CDC42EP4: variants seen among roughly 807,000 people sequenced by gnomAD.
CDC42EP4 encodes the protein CDC42 effector protein (Rho GTPase binding) 4.
CDC42EP4 carries 6 observed loss-of-function variants against 5.6 expected under a neutral mutation model. The ratio of observed to expected loss-of-function variants is 1.07; its 90% CI spans 0.59 to 2.12. The LOEUF (loss-of-function observed/expected upper bound fraction) is 2.12, where lower values mean the gene tolerates loss of function less well. Among genes scored for constraint, CDC42EP4 ranks in the 30% most tolerant of loss-of-function variants. The pLI is 0.00. For synonymous variants in CDC42EP4, 230 were observed against 224.2 expected (o/e 1.03, Z -0.23); for missense variants, 490 against 508.6 (o/e 0.96, Z 0.35).
chr17:73,293,982 TG>T (rs2062173395), intron 1 of CDC42EP4, among the ~76,000 whole-genome samples: 1 of 152,354 alleles, frequency 6.6e-6, no homozygotes, highest in Non-Finnish European at 1.5e-5. Context: ...CCCTTGCATC[TG>T]GAAGTGTGCT....
intron 1 of CDC42EP4, among the ~76,000 whole-genome samples, chr17:73,306,344 AAAATT>A (rs2062244077): frequency 6.6e-6 from 1 of 151,662 alleles, no homozygotes; most frequent in African/African-American, 2.4e-5. Flanking sequence ...AAAAAAAAAA[AAAATT>A]AAATTAGCCA....
chr17:73,293,065 C>A (rs1319884954), intron 1 of CDC42EP4, among the ~76,000 whole-genome samples: 3 of 152,134 alleles, frequency 2.0e-5, no homozygotes, highest in African/African-American at 7.2e-5. Flanking sequence ...CCAGGCTGGT[C>A]TCGAACTCCT....
At chr17:73,311,544 C>T (rs1030149890) in intron 1 of CDC42EP4, 1 of 152,392 alleles carries the variant, frequency 6.6e-6, no homozygotes, top group African/African-American at 2.4e-5. Flanking sequence ...AAAACCGGCC[C>T]CCAACCCCCT....
At chr17:73,304,695 G>A (rs1430967949) in intron 1 of CDC42EP4, among the ~76,000 whole-genome samples, 2 of 152,118 alleles carry the variant, frequency 1.3e-5, no homozygotes, top group Non-Finnish European at 2.9e-5. Context: ...TGCATCATAA[G>A]TGTCCCTGGG....
At chr17:73,290,181 C>A (rs1490417191) in intron 1 of CDC42EP4, among the ~76,000 whole-genome samples, 4 of 152,206 alleles carry the variant, frequency 2.6e-5, no homozygotes, top group Non-Finnish European at 5.9e-5. Context: ...GATGAGGAAA[C>A]AAGTTTATTG....
rs751748462 is a variant in CDC42EP4 at position 73,285,563 on chromosome 17, C to A, written c.938G>T (p.Cys313Phe). 1.2e-6 allele frequency: 2 copies of A among 1,611,992 alleles called. No homozygotes were observed. Among genetic ancestry groups the A allele is most frequent in the East Asian group, 2.2e-5 (1 of 44,860 alleles). Residue 313 changes from cysteine (C) to phenylalanine (F), a missense_variant, in exon 2 of 2, where the codon TGC becomes TTC. By Grantham distance (205) the Cys-to-Phe change is radical. Transcript: ENST00000335793. The surrounding 1 kb of genome is among the most constrained non-coding windows in gnomAD (Gnocchi z 6.8). ...TTRDSSSLSS[C>F]TSGILEERSP... ...GCGCTCCTCCAGGATGCCTGAGGTGCAGCTGGAGAGGGAGCTGCTGTCCCG... is the reference window on the plus strand; with the variant it reads ...GCGCTCCTCCAGGATGCCTGAGGTGAAGCTGGAGAGGGAGCTGCTGTCCCG...
rs1392826720 is a variant in CDC42EP4 at position 73,286,321 on chromosome 17, G to A, written c.180C>T (p.Pro60=). 2.3e-5 allele frequency: 37 copies of A among 1,614,066 alleles called. No individual in the cohort carries two copies. In the East Asian group the frequency reaches 5.8e-4, roughly 25 times the overall value. ...TSFLNSKAGE[P]DGESLDEQPS... is the part of the protein sequence containing the mutation. Reference sequence around the variant, plus strand: ...GCTGTTCGTCCAAGGACTCGCCGTCGGGCTCGCCAGCCTTGCTATTGAGGA... The same window carrying A: ...GCTGTTCGTCCAAGGACTCGCCGTCAGGCTCGCCAGCCTTGCTATTGAGGA... The change falls in exon 2 of 2, where the codon CCC becomes CCT. Residue 60 remains proline, a synonymous_variant. Coordinates refer to ENST00000335793, the MANE Select transcript of CDC42EP4 (RefSeq NM_012121.5). The surrounding 1 kb of genome is among the most constrained non-coding windows in gnomAD (Gnocchi z 7.7).
intron 1 of CDC42EP4, among the ~76,000 whole-genome samples, chr17:73,299,445 ACACACACACACACACAC>A (rs2062206877): frequency 6.7e-5 from 7 of 104,960 alleles, no homozygotes; most frequent in African/African-American, 1.8e-4. Flanking sequence ...AAAAAAAAAT[ACACACACACACACACAC>A]ACACACACAC....
chr17:73,303,655 C>CT (rs2062230760), intron 1 of CDC42EP4, among the ~76,000 whole-genome samples: 1 of 142,820 alleles, frequency 7.0e-6, no homozygotes, highest in African/African-American at 2.7e-5. Flanking sequence ...GAGCAAGACT[C>CT]TGTCTCCAAA....
chr17:73,285,309 G>T lies in CDC42EP4; in HGVS notation c.*121C>A. 1 of 791,272 alleles carries T rather than the reference G, an allele frequency of 1.3e-6. No homozygotes were observed. Among genetic ancestry groups the T allele is most frequent in the South Asian group, 1.8e-5 (1 of 55,438 alleles). 49.0% of individuals were successfully genotyped at this position (791,272 alleles called of 1,614,324 possible). On this transcript the variant is annotated 3_prime_UTR_variant, in exon 2 of 2. Coordinates refer to ENST00000335793, the MANE Select transcript of CDC42EP4 (RefSeq NM_012121.5). This position sits in a 1 kb window ranked among gnomAD's most constrained non-coding sequence, Gnocchi z 6.8. The stretch of plus-strand genomic sequence containing the variant: ...CAGTGTCCCTCATCTACAAGGTCCA[G>T]GGTCCATGGTCTGAATCAAGGGTCC...
At chr17:73,302,711 G>T (rs367969020) in intron 1 of CDC42EP4, among the ~76,000 whole-genome samples, 1 of 152,094 alleles carries the variant, frequency 6.6e-6, no homozygotes, top group Non-Finnish European at 1.5e-5. Context: ...GCCACCACAC[G>T]TGGCCAGAAT....
Position 73,286,524 on chromosome 17 carries a change from G to C in CDC42EP4, c.-24C>G. On this transcript the variant is annotated 5_prime_UTR_variant, in exon 2 of 2. Coordinates refer to ENST00000335793, the MANE Select transcript of CDC42EP4 (RefSeq NM_012121.5). The surrounding 1 kb of genome is among the most constrained non-coding windows in gnomAD (Gnocchi z 7.7). ...ATCTTGCTGGATGGGCGGGGAGGTG[G>C]GCCCTCCCGAGGTAGCCGGCAGGTC... is the stretch of plus-strand genomic sequence containing the variant. 6.5e-7 allele frequency: 1 copy of C among 1,548,672 alleles called. No homozygotes were observed. The highest frequency in any genetic ancestry group is 8.8e-7 in the Non-Finnish European group (1 of 1,142,686).
intron 1 of CDC42EP4, among the ~76,000 whole-genome samples, chr17:73,291,126 C>T (rs1334043875): frequency 6.6e-6 from 1 of 152,226 alleles, no homozygotes; most frequent in African/African-American, 2.4e-5. Context: ...TTCAACCCCA[C>T]ACCCCAGAAA....
chr17:73,284,601 T>C lies in CDC42EP4; in HGVS notation c.*829A>G, dbSNP rs2062120056. 3 of 152,200 alleles carry C rather than the reference T, an allele frequency of 2.0e-5. No individual in the cohort carries two copies. Among genetic ancestry groups the C allele is most frequent in the African/African-American group, 7.2e-5 (3 of 41,448 alleles). The allele number at this position is 152,200 out of a possible 1,614,324, so 9.4% of individuals were successfully genotyped here. A position where few individuals can be genotyped will look rare whatever the true frequency, so the allele number is the denominator to read the frequency against. On this transcript the variant is annotated 3_prime_UTR_variant, in exon 2 of 2. Transcript: ENST00000335793. ...TGAATTTTGAAGAGGAGGCTTAGTA[T>C]AAAGGTTTTCTAAAAGGATTGATTC...
chr17:73,297,399 G>A (rs897261773), intron 1 of CDC42EP4, among the ~76,000 whole-genome samples: 3 of 151,942 alleles, frequency 2.0e-5, no homozygotes, highest in African/African-American at 4.8e-5. Flanking sequence ...TCTTGAACCC[G>A]GGAGGCGGAG....
At chr17:73,310,368 A>G (rs1291144800) in intron 1 of CDC42EP4, among the ~76,000 whole-genome samples, 1 of 152,014 alleles carries the variant, frequency 6.6e-6, no homozygotes, top group African/African-American at 2.4e-5. Context: ...TGGATGGGAC[A>G]TTTCTCTGGT....
chr17:73,290,668 C>T (rs1167906523), intron 1 of CDC42EP4, among the ~76,000 whole-genome samples: 1 of 152,172 alleles, frequency 6.6e-6, no homozygotes, highest in African/African-American at 2.4e-5. Flanking sequence ...GAAGATAGAG[C>T]AGGTATGCTC....
intron 1 of CDC42EP4, among the ~76,000 whole-genome samples, chr17:73,308,298 G>GA (rs1568347022): frequency 8.5e-5 from 13 of 152,160 alleles, no homozygotes; most frequent in African/African-American, 3.1e-4. Context: ...CAGTACGTAG[G>GA]TCAGAAGAGC....
chr17:73,308,632 C>A (rs572229579), intron 1 of CDC42EP4, among the ~76,000 whole-genome samples: 1 of 152,144 alleles, frequency 6.6e-6, no homozygotes, highest in Non-Finnish European at 1.5e-5. Flanking sequence ...GCCACACCTG[C>A]GCACAGACAG....
Sources: gnomAD v4.1 joint callset for allele counts (sites outside exome capture counted in the v4.1 genomes callset) on GRCh38, gnomAD v4.1.1 for gene constraint, Gnocchi (gnomAD v3.1) non-coding constraint, MANE v1.5 for transcripts, NCBI Gene and HGNC (gene_info 2026-07-23, HGNC 2026-07-21) for gene names.